The following PKP3 variants were observed in gnomAD, a reference collection of about 807,000 sequenced individuals.
The protein encoded by PKP3 is plakophilin-3.
A neutral mutation model predicts 76.5 loss-of-function variants in PKP3; 66 were observed. The observed-to-expected ratio is 0.86, with a 90% CI of 0.71 to 1.06. The LOEUF (loss-of-function observed/expected upper bound fraction) is 1.06. Among genes scored for constraint, PKP3 ranks in the 50% least tolerant of loss-of-function variants. The pLI, the probability that PKP3 is intolerant of heterozygous loss-of-function variation, is 0.00. For missense variants in PKP3, 1,338 were observed against 1,141.0 expected, an observed-to-expected ratio of 1.17 and a Z score of -2.49; for synonymous variants, 638 against 516.5, an observed-to-expected ratio of 1.24 and a Z score of -3.19.
In PKP3 at chr11:397,370, A is replaced by G. The variant is rs189343522; in HGVS notation, c.869A>G (p.Asp290Gly). Residue 290 changes from aspartate (D) to glycine (G), a missense_variant, in exon 3 of 13, where the codon GAC becomes GGC. Physicochemically the swap from Asp to Gly is moderately conservative, Grantham distance 94. Coordinates refer to ENST00000331563, the MANE Select transcript of PKP3 (RefSeq NM_007183.4). ...CGCAGCCTCAGCCTCAGCCTGGCTG[A>G]CTCGGGCCACCTGCCGGACGTGCAT... The part of the protein sequence containing the change: ...SVRSLSLSLA[D>G]SGHLPDVHGF... 59 of 1,605,382 alleles carry G rather than the reference A, an allele frequency of 3.7e-5. No individual in the cohort carries two copies. In the Middle Eastern group the frequency reaches 6.6e-4, roughly 18 times the overall value.
At position 397,453 on chromosome 11, in the gene PKP3, G is replaced by T; in HGVS notation, c.944+8G>T. 1 of 1,612,010 alleles carries T rather than the reference G, an allele frequency of 6.2e-7. No homozygotes were observed. Among genetic ancestry groups the T allele is most frequent in the South Asian group, 1.1e-5 (1 of 91,048 alleles). On this transcript the variant is annotated splice_region_variant and intron_variant, in intron 3 of 12. Coordinates refer to ENST00000331563, the MANE Select transcript of PKP3 (RefSeq NM_007183.4). ...GCAGAGACTCAGCAGCGGGTGAGCGGCTGGGCCCGGCTCAGGGAGGGGGCT... is the reference window on the plus strand; with the variant it reads ...GCAGAGACTCAGCAGCGGGTGAGCGTCTGGGCCCGGCTCAGGGAGGGGGCT...
In PKP3 at chr11:404,296, C is replaced by T. The variant is rs1847216300; in HGVS notation, c.2331C>T (p.Tyr777=). The T allele has an allele frequency of 6.2e-7, 1 of 1,612,430 alleles. No homozygotes were observed. The highest frequency in any genetic ancestry group is 1.3e-5 in the African/African-American group (1 of 74,926). Residue 777 remains tyrosine (Y), a synonymous_variant, in exon 12 of 13, where the codon TAC becomes TAT. Transcript: ENST00000331563. This position sits in a 1 kb window ranked among gnomAD's most constrained non-coding sequence, Gnocchi z 4.2. ...ASSLLANLWQ[Y]NKLHRDFRAK... is the part of the protein sequence containing the mutation. Reference sequence around the variant, plus strand: ...GCCTCCTGGCCAACCTGTGGCAGTACAACAAGCTCCACCGTGACTTCCGGG... The same window carrying T: ...GCCTCCTGGCCAACCTGTGGCAGTATAACAAGCTCCACCGTGACTTCCGGG...
chr11:392,740 A>G (rs1590349859), upstream of PKP3: 2 of 1,021,358 alleles, frequency 2.0e-6, no homozygotes, highest in East Asian at 1.5e-4. Context: ...CACCACCCCG[A>G]CCCCACCTGG....
At position 400,674 on chromosome 11, in the gene PKP3, G is replaced by GCAGAGCC; in HGVS notation, c.1707_1708insAGAGCCC (p.Phe570ArgfsTer120). 7.6e-7 allele frequency: 1 copy of GCAGAGCC among 1,314,108 alleles called. No individual in the cohort carries two copies. The highest frequency in any genetic ancestry group is 9.7e-7 in the Non-Finnish European group (1 of 1,032,592). The allele number at this position is 1,314,108 out of a possible 1,614,324, so 81.4% of individuals were successfully genotyped here. Reference sequence around the variant, plus strand: ...GCGCCGCCGGGAGAGGTCGTGGGCTGCTTCACGCCGCAGAGCCGGCGGCTG... The same window carrying GCAGAGCC: ...GCGCCGCCGGGAGAGGTCGTGGGCTGCAGAGCCCTTCACGCCGCAGAGCCGGCGGCTG... On this transcript the variant is annotated frameshift_variant, in exon 8 of 13. Coordinates refer to ENST00000331563, the MANE Select transcript of PKP3 (RefSeq NM_007183.4). LOFTEE classifies it high-confidence loss of function.
Position 400,068 on chromosome 11 carries a change from G to T in PKP3, c.1375G>T (p.Ala459Ser). Residue 459 changes from alanine (A) to serine (S), a missense_variant, in exon 6 of 13, where the codon GCT becomes TCT. Physicochemically the swap from Ala to Ser is moderately conservative, Grantham distance 99. Coordinates refer to ENST00000331563, the MANE Select transcript of PKP3 (RefSeq NM_007183.4). The part of the protein sequence containing the change: ...TDLVLSPLSG[A>S]GGPPLIQQNA... ...CCTGGTGTTGAGCCCCCTGTCGGGG[G>T]CTGGGGGTCCCCCCCTCATCCAGCA... The T allele has an allele frequency of 6.2e-7, 1 of 1,602,726 alleles. No homozygotes were observed. The highest frequency in any genetic ancestry group is 8.5e-7 in the Non-Finnish European group (1 of 1,176,856).
rs753607257 is a variant in PKP3 at position 394,354 on chromosome 11, C to T, written c.62C>T (p.Ala21Val). The change falls in exon 1 of 13, where the codon GCG (alanine) becomes GTG (valine). Residue 21 changes from alanine to valine, a missense_variant. By Grantham distance (64) the Ala-to-Val change is moderately conservative. Coordinates refer to ENST00000331563, the MANE Select transcript of PKP3 (RefSeq NM_007183.4). The stretch of plus-strand genomic sequence containing the variant: ...CCTGAGGCCGGCGTGTGCTCCCTGG[C>T]GCTGCCCTCTGACCTGCAGCTGGAC... ...LQPEAGVCSL[A>V]LPSDLQLDRR... 20 of 1,512,324 alleles carry T rather than the reference C, an allele frequency of 1.3e-5. No individual in the cohort carries two copies. Among genetic ancestry groups the T allele is most frequent in the African/African-American group, 1.4e-5 (1 of 69,484 alleles). 93.7% of individuals were successfully genotyped at this position (1,512,324 alleles called of 1,614,324 possible).
chr11:398,895 A>ATATC (rs913850134), intron 4 of PKP3, 97 bp from the exon 5 acceptor site: 2 of 952,540 alleles, frequency 2.1e-6, no homozygotes, highest in African/African-American at 3.3e-5. Flanking sequence ...CATCCCCTGC[A>ATATC]TATCTACATC....
At chr11:394,933 G>A (rs1847026291) in intron 1 of PKP3, among the ~76,000 whole-genome samples, 1 of 152,184 alleles carries the variant, frequency 6.6e-6, no homozygotes, top group African/African-American at 2.4e-5. Flanking sequence ...ATACCTCACG[G>A]GAATGAGCAG....
Position 400,832 on chromosome 11 carries a change from GCTCACCCCC to G in PKP3, c.1737+128_1737+136del, listed in dbSNP as rs1847146359. On this transcript the variant is annotated intron_variant, in intron 8 of 12. Coordinates refer to ENST00000331563, the MANE Select transcript of PKP3 (RefSeq NM_007183.4). Reference sequence around the variant, plus strand: ...CCCCGCCCCGCTCACCCCGGACCCCGCTCACCCCCGCCCCGCTCACCCCCGACCCCGCTC... The same window carrying G: ...CCCCGCCCCGCTCACCCCGGACCCCGGCCCCGCTCACCCCCGACCCCGCTC... The G allele has an allele frequency of 1.0e-4, 22 of 209,898 alleles. 3 individuals are homozygous for G. The highest frequency in any genetic ancestry group is 6.5e-6 in the Non-Finnish European group (1 of 153,040). The allele number at this position is 209,898 out of a possible 1,614,324, so 13.0% of individuals were successfully genotyped here. A position where few individuals can be genotyped will look rare whatever the true frequency, so the allele number is the denominator to read the frequency against.
At chr11:399,301 G>GC in intron 5 of PKP3, 105 bp downstream of exon 5, 3 of 363,228 alleles carry the variant, frequency 8.3e-6, no homozygotes, top group South Asian at 6.9e-5. Flanking sequence ...CCCACCATCT[G>GC]CCCCCCTTCT....
chr11:394,330 C>G lies in PKP3; in HGVS notation c.38C>G (p.Pro13Arg). The G allele has an allele frequency of 2.0e-6, 3 of 1,514,884 alleles. No individual in the cohort carries two copies. The highest frequency in any genetic ancestry group is 2.6e-6 in the Non-Finnish European group (3 of 1,138,310). 93.8% of individuals were successfully genotyped at this position (1,514,884 alleles called of 1,614,324 possible). A position where few individuals can be genotyped will look rare whatever the true frequency, so the allele number is the denominator to read the frequency against. ...AACTTCCTGCTGTCGGCCCTGCAGCCTGAGGCCGGCGTGTGCTCCCTGGCG... is the reference window on the plus strand; with the variant it reads ...AACTTCCTGCTGTCGGCCCTGCAGCGTGAGGCCGGCGTGTGCTCCCTGGCG... ...DGNFLLSALQPEAGVCSLALP... is the reference protein window; with the variant it reads ...DGNFLLSALQREAGVCSLALP... Residue 13 changes from proline (P) to arginine (R), a missense_variant, in exon 1 of 13, where the codon CCT becomes CGT. By Grantham distance (103) the Pro-to-Arg change is moderately radical. Transcript: ENST00000331563.
chr11:397,788 C>G, intron 4 of PKP3, 126 bp downstream of exon 4: 2 of 890,978 alleles, frequency 2.2e-6, no homozygotes, highest in Non-Finnish European at 3.4e-6. Context: ...AGACCCCACT[C>G]TGTCTGGAGC....
intron 4 of PKP3, 81 bp downstream of exon 4, chr11:397,743 CT>C: frequency 7.2e-7 from 1 of 1,381,728 alleles, no homozygotes; most frequent in Non-Finnish European, 1.0e-6. Context: ...CCTCTGCTCA[CT>C]GAGCACCCCT....
intron 7 of PKP3, 23 bp downstream of exon 7, chr11:400,474 G>A (rs556766132): frequency 6.6e-7 from 1 of 1,525,824 alleles, no homozygotes; most frequent in Admixed American, 2.0e-5. Context: ...GTGTGGAGGA[G>A]GGGCCGTGCC....
rs998362581 is a variant in PKP3 at position 403,926 on chromosome 11, C to T, written c.2078-17C>T. On this transcript the variant is annotated splice_polypyrimidine_tract_variant and intron_variant, in intron 10 of 12. Coordinates refer to ENST00000331563, the MANE Select transcript of PKP3 (RefSeq NM_007183.4). ...GGCCAGGAGTAGGGGTGCAGACTGA[C>T]CCCCGGCCTCCCACAGCCACGAAGG... 2 of 1,580,080 alleles carry T rather than the reference C, an allele frequency of 1.3e-6. No individual in the cohort carries two copies. Among genetic ancestry groups the T allele is most frequent in the Non-Finnish European group, 1.7e-6 (2 of 1,160,528 alleles).
intron 8 of PKP3, 60 bp from the exon 9 acceptor site, chr11:403,018 C>G (rs1354386688): frequency 1.6e-6 from 1 of 632,140 alleles, no homozygotes; most frequent in Non-Finnish European, 2.1e-6. Context: ...CCGCTCACCC[C>G]GACCCGCTCA....
upstream of PKP3, chr11:393,620 G>A (rs2133592123): frequency 6.6e-6 from 1 of 152,366 alleles, no homozygotes; most frequent in Admixed American, 6.5e-5. Context: ...GGATTCCAAG[G>A]ACCAGGGCCA....
At chr11:397,704 C>T in intron 4 of PKP3, 42 bp downstream of exon 4, 3 of 1,593,488 alleles carry the variant, frequency 1.9e-6, no homozygotes, top group Non-Finnish European at 2.6e-6. Context: ...CTGGTGACCT[C>T]CTTCGTGGGC....
intron 2 of PKP3, 26 bp from the exon 3 acceptor site, chr11:396,788 C>T: frequency 6.4e-7 from 1 of 1,566,378 alleles, no homozygotes; most frequent in Non-Finnish European, 8.6e-7. Context: ...CCAGGCACGC[C>T]CTCACCGCCC....
Sources: gnomAD v4.1 joint callset for allele counts (sites outside exome capture counted in the v4.1 genomes callset) on GRCh38, gnomAD v4.1.1 for gene constraint, Gnocchi (gnomAD v3.1) non-coding constraint, MANE v1.5 for transcripts, NCBI Gene and HGNC (gene_info 2026-07-23, HGNC 2026-07-21) for gene names.